Variants in SALL4 observed in about 807,000 individuals in gnomAD.
SALL4 encodes spalt like transcription factor 4.
SALL4 carries 4 observed loss-of-function variants against 60.8 expected under a neutral mutation model. That is an observed-to-expected ratio of 0.07 (90% CI 0.03 to 0.15). The LOEUF (loss-of-function observed/expected upper bound fraction) is 0.15, where lower values mean the gene tolerates loss of function less well. Among genes scored for constraint, SALL4 ranks in the 10% least tolerant of loss-of-function variants. The probability of loss-of-function intolerance (pLI) is 1.00; values close to 1 mark genes in which losing one functional copy is unlikely to be tolerated. For missense variants in SALL4, 1,178 were observed against 1,394.7 expected (o/e 0.84, Z 2.48); for synonymous variants, 580 against 574.9 (o/e 1.01, Z -0.13).
At chr20:51,785,432 C>T (rs958991693) in intron 3 of SALL4, among the ~76,000 whole-genome samples, 10 of 152,214 alleles carry the variant, frequency 6.6e-5, no homozygotes, top group African/African-American at 2.2e-4. Context: ...TTTGTATCAT[C>T]GTAAATCAAA....
At chr20:51,785,162 A>G (rs939657450) in intron 3 of SALL4, among the ~76,000 whole-genome samples, 5 of 152,102 alleles carry the variant, frequency 3.3e-5, no homozygotes, top group African/African-American at 1.2e-4. Flanking sequence ...GTAGCCAGGC[A>G]TGGTGGCACA....
chr20:51,798,712 C>T (rs2078093251), intron 1 of SALL4, among the ~76,000 whole-genome samples: 1 of 151,996 alleles, frequency 6.6e-6, no homozygotes, highest in Admixed American at 6.6e-5. Flanking sequence ...CACATCCCAA[C>T]ATTTAAGATG....
At position 51,788,781 on chromosome 20, in the gene SALL4, A is replaced by T; in HGVS notation, c.2742+80T>A. ...TCCCAAAGGAGGAATGGAAGGATGG[A>T]AGAACTCATCACGGCTTGTGCCAAT... is the stretch of plus-strand genomic sequence containing the variant. On this transcript the variant is annotated intron_variant, in intron 3 of 3. Coordinates refer to ENST00000217086, the MANE Select transcript of SALL4 (RefSeq NM_020436.5). The surrounding 1 kb of genome is among the most constrained non-coding windows in gnomAD (Gnocchi z 4.1). 6.4e-7 allele frequency: 1 copy of T among 1,557,948 alleles called. No homozygotes were observed. Among genetic ancestry groups the T allele is most frequent in the South Asian group, 1.1e-5 (1 of 89,844 alleles).
At position 51,782,573 on chromosome 20, in the gene SALL4, A is replaced by AAAAAAAAAAAAAAAG. The variant is rs57307622; in HGVS notation, c.*1691_*1692insCTTTTTTTTTTTTTT. 1 of 131,954 alleles carries AAAAAAAAAAAAAAAG rather than the reference A, an allele frequency of 7.6e-6. No individual in the cohort carries two copies. The highest frequency in any genetic ancestry group is 1.5e-5 in the Non-Finnish European group (1 of 65,286). The allele number at this position is 131,954 out of a possible 1,614,324, so 8.2% of individuals were successfully genotyped here. A position where few individuals can be genotyped will look rare whatever the true frequency, so the allele number is the denominator to read the frequency against. ...GGCAAAAAAAAAAAAAAAAAAAAAA[A>AAAAAAAAAAAAAAAG]AGGGGGGCGGAATCCTAAAGTCAGG... On this transcript the variant is annotated 3_prime_UTR_variant, in exon 4 of 4. Transcript: ENST00000217086.
chr20:51,782,767 G>C lies in SALL4; in HGVS notation c.*1498C>G, dbSNP rs1402508283. On this transcript the variant is annotated 3_prime_UTR_variant, in exon 4 of 4. Coordinates refer to ENST00000217086, the MANE Select transcript of SALL4 (RefSeq NM_020436.5). Reference sequence around the variant, plus strand: ...TTTGCTCAATATCACATTTACAAAGGAAACTACAAAAAAAAAAGGCATCAC... The same window carrying C: ...TTTGCTCAATATCACATTTACAAAGCAAACTACAAAAAAAAAAGGCATCAC... 3 of 150,356 alleles carry C rather than the reference G, an allele frequency of 2.0e-5. No individual in the cohort carries two copies. The highest frequency in any genetic ancestry group is 4.9e-5 in the African/African-American group (2 of 40,820). 9.3% of individuals were successfully genotyped at this position (150,356 alleles called of 1,614,324 possible).
chr20:51,790,002 T>G lies in SALL4; in HGVS notation c.2461+20A>C. The G allele has an allele frequency of 6.2e-7, 1 of 1,614,124 alleles. No individual in the cohort carries two copies. The highest frequency in any genetic ancestry group is 8.5e-7 in the Non-Finnish European group (1 of 1,180,012). ...CCTTGAGCCCAAAATGGACATAAGT[T>G]AAATCCAAAGCTCTATCACCTTCCA... On this transcript the variant is annotated intron_variant, in intron 2 of 3. Transcript: ENST00000217086. This position sits in a 1 kb window ranked among gnomAD's most constrained non-coding sequence, Gnocchi z 5.5.
chr20:51,787,656 C>T (rs2088532800), intron 3 of SALL4, among the ~76,000 whole-genome samples: 1 of 150,096 alleles, frequency 6.7e-6, no homozygotes. Flanking sequence ...TTTTCAGCTT[C>T]TTTTTTTTTT....
At position 51,792,258 on chromosome 20, in the gene SALL4, C is replaced by G. The variant is rs2078051315; in HGVS notation, c.225G>C (p.Glu75Asp). 5 of 1,613,756 alleles carry G rather than the reference C, an allele frequency of 3.1e-6. No individual in the cohort carries two copies. The highest frequency in any genetic ancestry group is 4.2e-6 in the Non-Finnish European group (5 of 1,180,030). Residue 75 changes from glutamate to aspartate, a missense_variant, in exon 2 of 4, where the codon GAG becomes GAC. By Grantham distance (45) the Glu-to-Asp change is conservative. Around this residue, in one of 5 missense-constraint regions of SALL4, gnomAD observed 108 missense variants for 95.7 expected, o/e 1.13. Coordinates refer to ENST00000217086, the MANE Select transcript of SALL4 (RefSeq NM_020436.5). The part of the protein sequence containing the change: ...RLRREETHVC[E>D]KCCAEFFSIS... Reference sequence around the variant, plus strand: ...TGCTGAAGAACTCCGCACAGCATTTCTCACAGACGTGCGTCTCCTCCCGAC... The same window carrying G: ...TGCTGAAGAACTCCGCACAGCATTTGTCACAGACGTGCGTCTCCTCCCGAC...
intron 3 of SALL4, among the ~76,000 whole-genome samples, chr20:51,785,874 C>T (rs534300878): frequency 6.6e-6 from 1 of 151,830 alleles, no homozygotes; most frequent in Admixed American, 6.6e-5. Context: ...GATCTCGTGA[C>T]CTCGTGGTCC....
chr20:51,794,512 T>C (rs546448166), intron 1 of SALL4, among the ~76,000 whole-genome samples: 1 of 152,048 alleles, frequency 6.6e-6, no homozygotes, highest in South Asian at 2.1e-4. Context: ...GATTGTGCCA[T>C]TGTACTCCAG....
At chr20:51,802,250 C>T (rs1396589724) in intron 1 of SALL4, 29 bp downstream of exon 1, 11 of 1,572,288 alleles carry the variant, frequency 7.0e-6, no homozygotes, top group South Asian at 1.1e-5. Context: ...AAGCTCCCCT[C>T]CCCGGGCGGG....
chr20:51,784,349 A>G lies in SALL4; in HGVS notation c.3078T>C (p.Asp1026=). The change falls in exon 4 of 4, where the codon GAT becomes GAC. Residue 1026 remains aspartate (D), a synonymous_variant. Transcript: ENST00000217086. ...CGTCAGTAGCACTTGGTTTTTCCAC[A>G]TCTGCACTGATACCCGACTGGGAGC... is the stretch of plus-strand genomic sequence containing the variant. ...MDGSQSGISA[D]VEKPSATDGV... 6.2e-7 allele frequency: 1 copy of G among 1,614,176 alleles called. No homozygotes were observed. The highest frequency in any genetic ancestry group is 8.5e-7 in the Non-Finnish European group (1 of 1,180,032).
chr20:51,784,802 C>T, intron 3 of SALL4, 118 bp from the exon 4 acceptor site: 1 of 1,172,798 alleles, frequency 8.5e-7, no homozygotes, highest in Admixed American at 1.8e-5. Flanking sequence ...TATAGATGAT[C>T]CTTGACTTAC....
At chr20:51,794,447 A>T (rs2078068321) in intron 1 of SALL4, among the ~76,000 whole-genome samples, 1 of 152,178 alleles carries the variant, frequency 6.6e-6, no homozygotes, top group African/African-American at 2.4e-5. Context: ...GCTACTCAGG[A>T]GGCTGAGGCA....
At position 51,791,136 on chromosome 20, in the gene SALL4, C is replaced by G. The variant is rs761333198; in HGVS notation, c.1347G>C (p.Val449=). The change falls in exon 2 of 4, where the codon GTG becomes GTC. Residue 449 remains valine, a synonymous_variant. Transcript: ENST00000217086. The surrounding 1 kb of genome is among the most constrained non-coding windows in gnomAD (Gnocchi z 4.6). ...CATAGGGGATGCCATTGCCGGCCGC[C>G]ACTTTGTCCTGGAACTCGGCAAACA... ...PQLFAEFQDK[V]AAGNGIPYAL... 1 of 1,614,152 alleles carries G rather than the reference C, an allele frequency of 6.2e-7. No individual in the cohort carries two copies. The highest frequency in any genetic ancestry group is 8.5e-7 in the Non-Finnish European group (1 of 1,180,028).
At chr20:51,798,623 G>A (rs2078092757) in intron 1 of SALL4, among the ~76,000 whole-genome samples, 1 of 151,934 alleles carries the variant, frequency 6.6e-6, no homozygotes, top group African/African-American at 2.4e-5. Flanking sequence ...ATTTTTCCAG[G>A]GTAGTACAAC....
Position 51,791,733 on chromosome 20 carries a change from G to A in SALL4, c.750C>T (p.Ser250=), listed in dbSNP as rs1041145698. ...TCTTCAGAGTGTCGGCCCCTGCCCC[G>A]CTTGAGTGGAGGGCGTGGGAGGCCC... ...NMWASHALHS[S]GAGADTLKTL... Residue 250 remains serine, a synonymous_variant, in exon 2 of 4, where the codon AGC becomes AGT. Coordinates refer to ENST00000217086, the MANE Select transcript of SALL4 (RefSeq NM_020436.5). The surrounding 1 kb of genome is among the most constrained non-coding windows in gnomAD (Gnocchi z 4.6). The A allele has an allele frequency of 5.6e-6, 9 of 1,614,012 alleles. No individual in the cohort carries two copies. The highest frequency in any genetic ancestry group is 4.0e-5 in the African/African-American group (3 of 74,954).
intron 1 of SALL4, among the ~76,000 whole-genome samples, chr20:51,796,456 C>T (rs1028530623): frequency 6.6e-6 from 1 of 152,178 alleles, no homozygotes; most frequent in African/African-American, 2.4e-5. Flanking sequence ...GATAGTTTTA[C>T]AATTTGTTTT....
Position 51,789,012 on chromosome 20 carries a change from C to A in SALL4, c.2591G>T (p.Arg864Leu). 1 of 1,614,182 alleles carries A rather than the reference C, an allele frequency of 6.2e-7. No individual in the cohort carries two copies. Among genetic ancestry groups the A allele is most frequent in the Non-Finnish European group, 8.5e-7 (1 of 1,180,046 alleles). Residue 864 changes from arginine to leucine, a missense_variant, in exon 3 of 4, where the codon CGC becomes CTC. Arg to Leu is a moderately radical substitution (Grantham distance 102). Transcript: ENST00000217086. ...GCAGCCATGTTGCTTGGCCTGTCGG[C>A]GTGGCTGGGCTGCTAACAAAGGGGT... ...GMTPLLAAQP[R>L]RQAKQHGCTR... is the part of the protein sequence containing the mutation.
Sources: allele counts gnomAD v4.1 joint callset (sites outside exome capture counted in the v4.1 genomes callset), GRCh38; gene constraint gnomAD v4.1.1; regional missense constraint gnomAD v4.1.1; non-coding constraint Gnocchi (gnomAD v3.1); transcripts MANE v1.5; gene names NCBI Gene and HGNC (gene_info 2026-07-23, HGNC 2026-07-21).